The following KDM1A variants were observed in gnomAD, a reference collection of about 807,000 sequenced individuals.
KDM1A encodes lysine-specific histone demethylase 1A.
Under a neutral mutation model 109.4 loss-of-function variants are expected in KDM1A, and 49 were observed. The ratio of observed to expected loss-of-function variants is 0.45; its 90% confidence interval spans 0.36 to 0.57. The LOEUF (loss-of-function observed/expected upper bound fraction) is 0.57. KDM1A is among the 20% of genes least tolerant of loss of function. The pLI is 0.00. For missense variants in KDM1A, 668 were observed against 1,116.6 expected (o/e 0.60, Z 5.73); for synonymous variants, 380 against 415.4 (o/e 0.91, Z 1.04).
intron 20 of KDM1A, 180 bp downstream of exon 20, chr1:23,082,546 A>G: frequency 1.7e-6 from 1 of 573,238 alleles, no homozygotes; most frequent in Non-Finnish European, 2.9e-6. Flanking sequence ...GGTTTTGTAA[A>G]TCTAGGCAGT....
At chr1:23,074,340 A>G (rs1191414378) in intron 15 of KDM1A, among the ~76,000 whole-genome samples, 2 of 152,230 alleles carry the variant, frequency 1.3e-5, no homozygotes, top group African/African-American at 4.8e-5. Flanking sequence ...AATTCTAGGC[A>G]GAAGTCCTTT....
chr1:23,051,469 G>A (rs926102954), intron 4 of KDM1A, among the ~76,000 whole-genome samples: 17 of 152,084 alleles, frequency 1.1e-4, no homozygotes, highest in Non-Finnish European at 1.9e-4. Context: ...CCTCCCCTCC[G>A]CATTGCCCTG....
At chr1:23,035,309 T>C (rs1642110855) in intron 2 of KDM1A, among the ~76,000 whole-genome samples, 1 of 152,158 alleles carries the variant, frequency 6.6e-6, no homozygotes, top group Admixed American at 6.5e-5. Context: ...TTCAAGCAAT[T>C]CTCCTGCCTT....
chr1:23,041,867 T>A (rs1642346259), intron 2 of KDM1A, among the ~76,000 whole-genome samples: 1 of 152,140 alleles, frequency 6.6e-6, no homozygotes, highest in South Asian at 2.1e-4. Flanking sequence ...TTTAAGAGGT[T>A]TTTTAATTCC....
At chr1:23,031,673 A>G (rs1557507838) in intron 2 of KDM1A, among the ~76,000 whole-genome samples, 1 of 152,116 alleles carries the variant, frequency 6.6e-6, no homozygotes, top group Non-Finnish European at 1.5e-5. Context: ...TCAAGTGTTA[A>G]CTTAGGTTTG....
intron 2 of KDM1A, among the ~76,000 whole-genome samples, chr1:23,036,988 G>A (rs1642165369): frequency 6.6e-6 from 1 of 152,062 alleles, no homozygotes; most frequent in South Asian, 2.1e-4. Flanking sequence ...CAAAGAATTT[G>A]TAGTCCAGTG....
rs1383256708 is a variant in KDM1A at position 23,038,250 on chromosome 1, CTGTT to C, written c.518-6173_518-6170del. On this transcript the variant is annotated intron_variant, in intron 2 of 20. Coordinates refer to ENST00000400181, the MANE Select transcript of KDM1A (RefSeq NM_001009999.3). ...TAGATAACTTTTTAAGCATCTGGAA[CTGTT>C]TGTGTGTGTGTGTGTGTGTGTGTGT... Among the ~76,000 whole-genome samples the C allele has an allele frequency of 1.4e-4, 12 of 85,150 alleles. No individual in the cohort carries two copies. In the Admixed American group the frequency reaches 1.5e-3, roughly 10 times the overall value. The allele number at this position is 85,150 out of a possible 152,430, so 55.9% of individuals were successfully genotyped here.
Position 23,037,009 on chromosome 1 carries a change from G to T in KDM1A, c.517+6375G>T, listed in dbSNP as rs542941668. Among the ~76,000 whole-genome samples, 3 of 152,182 alleles carry T rather than the reference G, an allele frequency of 2.0e-5. No homozygotes were observed. In the East Asian group the frequency reaches 5.8e-4, roughly 29 times the overall value. ...ATTTGTAGTCCAGTGGCCTGGTGTG[G>T]TGCATGCCTGTAATCCCAGCACTTA... On this transcript the variant is annotated intron_variant, in intron 2 of 20. Transcript: ENST00000400181.
chr1:23,052,362 G>A (rs1642698686), intron 4 of KDM1A, among the ~76,000 whole-genome samples: 1 of 152,168 alleles, frequency 6.6e-6, no homozygotes, highest in Non-Finnish European at 1.5e-5. Flanking sequence ...TGGGAGTGAG[G>A]AACTTGGGCC....
At position 23,025,520 on chromosome 1, in the gene KDM1A, G is replaced by A. The variant is rs565665918; in HGVS notation, c.352-4949G>A. ...TAATTTTTGTATTTTCAGCAGAGACGGGTTTCACCATGTTGGTAAGGCTGG... is the reference window on the plus strand; with the variant it reads ...TAATTTTTGTATTTTCAGCAGAGACAGGTTTCACCATGTTGGTAAGGCTGG... On this transcript the variant is annotated intron_variant, in intron 1 of 20. Transcript: ENST00000400181. Among the ~76,000 whole-genome samples, 11 of 152,036 alleles carry A rather than the reference G, an allele frequency of 7.2e-5. No homozygotes were observed. In the East Asian group the frequency reaches 1.2e-3, roughly 16 times the overall value.
chr1:23,070,724 C>T (rs1196654180), intron 12 of KDM1A, among the ~76,000 whole-genome samples: 7 of 149,382 alleles, frequency 4.7e-5, no homozygotes, highest in African/African-American at 1.2e-4. Context: ...AGGAGAATGG[C>T]GTGAACCCAG....
chr1:23,081,615 C>T, intron 19 of KDM1A, 42 bp downstream of exon 19: 1 of 1,609,636 alleles, frequency 6.2e-7, no homozygotes, highest in Non-Finnish European at 8.5e-7. Flanking sequence ...AGGGTTCAGA[C>T]TCAACCAGGG....
intron 14 of KDM1A, 147 bp from the exon 15 acceptor site, chr1:23,073,145 A>G: frequency 5.4e-6 from 3 of 556,708 alleles, no homozygotes; most frequent in Non-Finnish European, 6.4e-6. Flanking sequence ...AATAAGACAG[A>G]TAAGATGCTA....
intron 2 of KDM1A, among the ~76,000 whole-genome samples, chr1:23,034,739 A>G (rs1642091731): frequency 1.3e-5 from 2 of 152,248 alleles, no homozygotes; most frequent in South Asian, 4.1e-4. Flanking sequence ...TAGAGAACTC[A>G]AGATACATTC....
At chr1:23,053,531 A>C (rs1642735388) in intron 4 of KDM1A, among the ~76,000 whole-genome samples, 1 of 152,006 alleles carries the variant, frequency 6.6e-6, no homozygotes, top group African/African-American at 2.4e-5. Context: ...GACTACAGGC[A>C]TGTGCCACCA....
At chr1:23,022,324 G>GT (rs35333220) in intron 1 of KDM1A, among the ~76,000 whole-genome samples, 11,069 of 71,118 alleles carry the variant, frequency 0.16, 560 homozygotes, top group Non-Finnish European at 0.25. Flanking sequence ...GTTCTTCTTC[G>GT]TTTTTTTTTT....
At chr1:23,082,852 C>T in intron 20 of KDM1A, 1 of 230,484 alleles carries the variant, frequency 4.3e-6, no homozygotes, top group Non-Finnish European at 8.7e-6. Context: ...ACCAAATGTC[C>T]TGTGCTTCAG....
intron 1 of KDM1A, among the ~76,000 whole-genome samples, chr1:23,027,720 C>CA (rs1641853004): frequency 7.9e-6 from 1 of 127,100 alleles, no homozygotes; most frequent in Admixed American, 7.6e-5. Context: ...CCGCTCCCAG[C>CA]CTTTTTTTTT....
intron 20 of KDM1A, 104 bp downstream of exon 20, chr1:23,082,470 G>A (rs1478659718): frequency 4.3e-5 from 48 of 1,125,030 alleles, no homozygotes; most frequent in Admixed American, 5.7e-5. Context: ...TTCCATCTTC[G>A]GACCCTTTCA....
Sources: gnomAD v4.1 joint callset for allele counts (sites outside exome capture counted in the v4.1 genomes callset) on GRCh38, gnomAD v4.1.1 for gene constraint, MANE v1.5 for transcripts, NCBI Gene and HGNC (gene_info 2026-07-23, HGNC 2026-07-21) for gene names.